ASB11: variants seen among roughly 807,000 people sequenced by gnomAD.
ASB11 encodes ankyrin repeat and SOCS box protein 11.
A neutral mutation model predicts 20.1 loss-of-function variants in ASB11; 17 were observed. The observed-to-expected ratio is 0.85, with a 90% confidence interval of 0.58 to 1.27. The LOEUF (loss-of-function observed/expected upper bound fraction) is 1.27. ASB11 is among the 50% of genes most tolerant of loss of function. ASB11 has a pLI of 0.00. For missense variants in ASB11, 259 were observed against 256.9 expected, an observed-to-expected ratio of 1.01 and a Z score of -0.06; for synonymous variants, 107 against 105.6, an observed-to-expected ratio of 1.01 and a Z score of -0.08.
At chrX:15,299,721 GGA>G (rs1921009637) in intron 2 of ASB11, among the ~76,000 whole-genome samples, 1 of 111,105 alleles carries the variant, frequency 9.0e-6, no homozygotes, top group African/African-American at 3.3e-5. Context: ...TCAGATGGTT[GGA>G]GAGGGGGTGC....
In ASB11 at chrX:15,315,471, T is replaced by C; in HGVS notation, c.135A>G (p.Arg45=). The C allele has an allele frequency of 8.6e-7, 1 of 1,158,897 alleles. No individual in the cohort carries two copies. The highest frequency in any genetic ancestry group is 1.1e-6 in the Non-Finnish European group (1 of 873,769). ...LTHFYIVKGN[R]KEAARIAEEI... ...CTTCTGCTATCCTAGCCGCTTCTTT[T>C]CTATTTCCTTTGACGATATAGAAAT... The change falls in exon 1 of 7, where the codon AGA becomes AGG. Residue 45 remains arginine (R), a synonymous_variant. Coordinates refer to ENST00000480796, the MANE Select transcript of ASB11 (RefSeq NM_080873.3).
chrX:15,308,444 A>T (rs1160308588), intron 1 of ASB11, among the ~76,000 whole-genome samples: 1 of 111,163 alleles, frequency 9.0e-6, no homozygotes, highest in Admixed American at 9.5e-5. Flanking sequence ...CCTCATATTC[A>T]TCTGGCATGG....
chrX:15,302,585 A>G, intron 2 of ASB11, 143 bp downstream of exon 2: 1 of 485,932 alleles, frequency 2.1e-6, no homozygotes, highest in Admixed American at 3.9e-5. Flanking sequence ...AGAGGCAGTG[A>G]GGTATGAGAG....
intron 1 of ASB11, among the ~76,000 whole-genome samples, chrX:15,305,370 A>G (rs1293324735): frequency 1.8e-5 from 2 of 111,884 alleles, no homozygotes; most frequent in Non-Finnish European, 3.8e-5. Flanking sequence ...CATTTTACAA[A>G]ATAATTGGAG....
In ASB11 at chrX:15,293,417, C is replaced by T. The variant is rs1198853841; in HGVS notation, c.370-97G>A. ...TGTATTTGCCTAGAGGAATTCCCCA[C>T]GCTGGTGAATAAGTGAGGGAACTCC... On this transcript the variant is annotated intron_variant, in intron 3 of 6. Coordinates refer to ENST00000480796, the MANE Select transcript of ASB11 (RefSeq NM_080873.3). 8 of 966,168 alleles carry T rather than the reference C, an allele frequency of 8.3e-6. No individual in the cohort carries two copies. The South Asian group carries it at 9.6e-5, about 12-fold the overall frequency. The allele number at this position is 966,168 out of a possible 1,213,427, so 79.6% of individuals were successfully genotyped here. A position where few individuals can be genotyped will look rare whatever the true frequency, so the allele number is the denominator to read the frequency against.
At chrX:15,311,051 T>C (rs1921416971) in intron 1 of ASB11, among the ~76,000 whole-genome samples, 1 of 112,245 alleles carries the variant, frequency 8.9e-6, no homozygotes, top group African/African-American at 3.2e-5. Flanking sequence ...GAAAAGAAAA[T>C]TCATAAGGAA....
At position 15,283,252 on chromosome X, in the gene ASB11, C is replaced by T. The variant is rs1025164915; in HGVS notation, c.*253G>A. 15 of 286,751 alleles carry T rather than the reference C, an allele frequency of 5.2e-5. No individual in the cohort carries two copies. The South Asian group carries it at 1.0e-3, about 20-fold the overall frequency. 23.6% of individuals were successfully genotyped at this position (286,751 alleles called of 1,213,427 possible). A position where few individuals can be genotyped will look rare whatever the true frequency, so the allele number is the denominator to read the frequency against. On this transcript the variant is annotated 3_prime_UTR_variant, in exon 7 of 7. Transcript: ENST00000480796. Reference sequence around the variant, plus strand: ...ACAGCCTATTGTTTTCACTCTACTTCACAGTTCTTTTAAGTTTCTTAACAA... The same window carrying T: ...ACAGCCTATTGTTTTCACTCTACTTTACAGTTCTTTTAAGTTTCTTAACAA...
At chrX:15,309,967 C>CAAAAAAAAAA (rs60765469) in intron 1 of ASB11, among the ~76,000 whole-genome samples, 3 of 15,522 alleles carry the variant, frequency 1.9e-4, no homozygotes, top group African/African-American at 4.2e-4. Context: ...GACTCCGTCT[C>CAAAAAAAAAA]AAAAAAAAAA....
intron 1 of ASB11, among the ~76,000 whole-genome samples, chrX:15,311,605 T>G (rs1489964664): frequency 1.8e-5 from 2 of 112,206 alleles, no homozygotes; most frequent in African/African-American, 6.5e-5. Context: ...AACAAGTGAT[T>G]TTAAGCATAA....
Sources: allele counts gnomAD v4.1 joint callset (sites outside exome capture counted in the v4.1 genomes callset), GRCh38; gene constraint gnomAD v4.1.1; transcripts MANE v1.5; gene names NCBI Gene and HGNC (gene_info 2026-07-23, HGNC 2026-07-21).